The following SIRT3 variants were observed in gnomAD, a reference collection of about 807,000 sequenced individuals.
SIRT3 encodes sirtuin 3.
In SIRT3, 26 loss-of-function variants were observed where a neutral mutation model predicts 33.5. That is an observed-to-expected ratio of 0.78 (90% CI 0.57 to 1.08). The LOEUF (loss-of-function observed/expected upper bound fraction) is 1.08. SIRT3 is among the 50% of genes least tolerant of loss of function. The pLI is 0.00. For missense variants in SIRT3, 585 were observed against 530.1 expected (o/e 1.10, Z -1.02); for synonymous variants, 237 against 222.1 (o/e 1.07, Z -0.60).
At chr11:229,861 T>C (rs1857674540) in intron 4 of SIRT3, among the ~76,000 whole-genome samples, 1 of 152,166 alleles carries the variant, frequency 6.6e-6, no homozygotes, top group Non-Finnish European at 1.5e-5. Context: ...AACGAATACT[T>C]GCATATGCTC....
At chr11:225,168 C>T (rs979063006) in intron 4 of SIRT3, among the ~76,000 whole-genome samples, 3 of 151,660 alleles carry the variant, frequency 2.0e-5, no homozygotes, top group Non-Finnish European at 2.9e-5. Context: ...AATCCCAGGA[C>T]TTCGGGAGGC....
intron 4 of SIRT3, among the ~76,000 whole-genome samples, chr11:224,703 G>A (rs533673154): frequency 1.3e-5 from 2 of 152,290 alleles, no homozygotes; most frequent in African/African-American, 2.4e-5. Context: ...CCTCAGCCCT[G>A]GGAGGCATTC....
intron 1 of SIRT3, among the ~76,000 whole-genome samples, chr11:235,832 A>T (rs572659130): frequency 1.3e-5 from 2 of 152,332 alleles, no homozygotes; most frequent in Admixed American, 1.3e-4. Flanking sequence ...ATGCACAATA[A>T]CTAAAGGTTA....
At chr11:232,308 G>A (rs1183328795) in intron 3 of SIRT3, among the ~76,000 whole-genome samples, 2 of 151,846 alleles carry the variant, frequency 1.3e-5, no homozygotes, top group East Asian at 1.9e-4. Context: ...TAGTAGAGAC[G>A]GGGTTTTGCC....
At chr11:231,413 C>A (rs915502434) in intron 3 of SIRT3, among the ~76,000 whole-genome samples, 2 of 152,204 alleles carry the variant, frequency 1.3e-5, no homozygotes, top group Non-Finnish European at 2.9e-5. Flanking sequence ...CTAGCCTGGG[C>A]AACAGAGCCA....
chr11:218,383 A>C (rs1016346876), intron 6 of SIRT3, among the ~76,000 whole-genome samples: 3 of 152,216 alleles, frequency 2.0e-5, no homozygotes, highest in Admixed American at 2.0e-4. Flanking sequence ...AGCGGATTAT[A>C]ATTGATCAAT....
At chr11:227,998 G>A (rs989951641) in intron 4 of SIRT3, among the ~76,000 whole-genome samples, 5 of 152,064 alleles carry the variant, frequency 3.3e-5, no homozygotes, top group African/African-American at 7.2e-5. Context: ...TCCCATGATC[G>A]TCAGGATACA....
In SIRT3 at chr11:224,125, C is replaced by A; in HGVS notation, c.922G>T (p.Asp308Tyr). The change falls in exon 5 of 7, where the codon GAT (aspartate) becomes TAT (tyrosine). Residue 308 changes from aspartate (D) to tyrosine (Y), a missense_variant. Physicochemically the swap from Asp to Tyr is radical, Grantham distance 160 (BLOSUM62 -3). Coordinates refer to ENST00000382743, the MANE Select transcript of SIRT3 (RefSeq NM_012239.6). ...AGCAGCAGATCTGCCATGGGGAAAT[C>A]AACCACATGCAGCAAGAACCTCTGG... The part of the protein sequence containing the change: ...LPQRFLLHVV[D>Y]FPMADLLLIL... The A allele has an allele frequency of 6.2e-7, 1 of 1,614,228 alleles. No individual in the cohort carries two copies. The highest frequency in any genetic ancestry group is 8.5e-7 in the Non-Finnish European group (1 of 1,180,048).
chr11:221,278 T>C lies in SIRT3; in HGVS notation c.970-2237A>G, dbSNP rs140570103. Among the ~76,000 whole-genome samples, 690 of 152,294 alleles carry C rather than the reference T, an allele frequency of 4.5e-3. 5 individuals carry two copies. The highest frequency in any genetic ancestry group is 6.3e-3 in the Non-Finnish European group (430 of 68,014). ...CAACTACACAGACCATGCCTGGCTATCTTTTTATTTTTTGTAGAGACGAGG... is the reference window on the plus strand; with the variant it reads ...CAACTACACAGACCATGCCTGGCTACCTTTTTATTTTTTGTAGAGACGAGG... On this transcript the variant is annotated intron_variant, in intron 5 of 6. Coordinates refer to ENST00000382743, the MANE Select transcript of SIRT3 (RefSeq NM_012239.6).
intron 4 of SIRT3, among the ~76,000 whole-genome samples, chr11:229,801 G>C (rs1489120787): frequency 6.6e-6 from 1 of 152,068 alleles, no homozygotes; most frequent in Admixed American, 6.6e-5. Context: ...GAGTTACCCA[G>C]CAATACTTGT....
At position 223,676 on chromosome 11, in the gene SIRT3, A is replaced by C; in HGVS notation, c.969+402T>G. 1 of 559,432 alleles carries C rather than the reference A, an allele frequency of 1.8e-6. No individual in the cohort carries two copies. 34.7% of individuals were successfully genotyped at this position (559,432 alleles called of 1,614,324 possible). ...CCCCACCCACACCTATACCACCTCC[A>C]AAGCCCAGCAGCTTCCCACCTTCCT... On this transcript the variant is annotated intron_variant, in intron 5 of 6. Transcript: ENST00000382743. This position sits in a 1 kb window ranked among gnomAD's most constrained non-coding sequence, Gnocchi z 4.8.
rs796721319 is a variant in SIRT3, at chr11:218,627, C to T, written c.1179+205G>A. 8 of 945,794 alleles carry T rather than the reference C, an allele frequency of 8.5e-6. No homozygotes were observed. In the African/African-American group the frequency reaches 1.3e-4, roughly 16 times the overall value. 58.6% of individuals were successfully genotyped at this position (945,794 alleles called of 1,614,324 possible). On this transcript the variant is annotated intron_variant, in intron 6 of 6. Transcript: ENST00000382743. ...GTGTCTGGACCGTGTCCCTGCTTGG[C>T]CTGTTAGCATCTGTTTCCTCATCTC...
At chr11:226,294 G>A (rs936762638) in intron 4 of SIRT3, among the ~76,000 whole-genome samples, 10 of 152,166 alleles carry the variant, frequency 6.6e-5, no homozygotes, top group Admixed American at 4.6e-4. Context: ...ACAGTGAGGC[G>A]CGTCTGACCT....
intron 5 of SIRT3, among the ~76,000 whole-genome samples, chr11:221,794 T>C (rs1389100178): frequency 1.3e-5 from 2 of 151,512 alleles, no homozygotes; most frequent in Non-Finnish European, 1.5e-5. Context: ...CACATCTCCA[T>C]GGACTCACAT....
At chr11:226,148 A>C (rs1459023764) in intron 4 of SIRT3, 3 of 152,256 alleles carry the variant, frequency 2.0e-5, no homozygotes, top group Admixed American at 6.5e-5. Context: ...AGGAACCATT[A>C]ATCTCATCTT....
Position 236,056 on chromosome 11 carries a change from G to A in SIRT3, c.273C>T (p.Phe91=), listed in dbSNP as rs1217381953. Residue 91 remains phenylalanine (F), a synonymous_variant, in exon 1 of 7, where the codon TTC becomes TTT. Transcript: ENST00000382743. ...RQPRAAAPSF[F]FSSIKGGRRS... ...GTCCTTGCCCAAAATACCTCGAAAA[G>A]AAGAAACTGGGAGCTGCTGCCCTCG... The A allele has an allele frequency of 1.3e-6, 2 of 1,520,088 alleles. No individual in the cohort carries two copies. Among genetic ancestry groups the A allele is most frequent in the Admixed American group, 2.2e-5 (1 of 44,886 alleles). The allele number at this position is 1,520,088 out of a possible 1,614,324, so 94.2% of individuals were successfully genotyped here.
chr11:236,209 A>G lies in SIRT3; in HGVS notation c.120T>C (p.Leu40=). The G allele has an allele frequency of 3.2e-6, 5 of 1,560,060 alleles. No individual in the cohort carries two copies. Among genetic ancestry groups the G allele is most frequent in the Non-Finnish European group, 4.3e-6 (5 of 1,156,296 alleles). ...CCGCACTCACATCGTCCCTGCCGCC[A>G]AGCACCAGCCGACAGCCGCAGGCCT... ...PFQACGCRLV[L]GGRDDVSAGL... is the part of the protein sequence containing the mutation. The change falls in exon 1 of 7, where the codon CTT becomes CTC. Residue 40 remains leucine (L), a synonymous_variant. Coordinates refer to ENST00000382743, the MANE Select transcript of SIRT3 (RefSeq NM_012239.6).
intron 3 of SIRT3, among the ~76,000 whole-genome samples, chr11:231,870 G>GCCAGGAGACTGCT (rs148370769): frequency 0.79 from 118,973 of 150,670 alleles, 47,318 homozygotes; most frequent in African/African-American, 0.88. Context: ...CTCTCCGGGA[G>GCCAGGAGACTGCT]CCTGGCTCCC....
intron 4 of SIRT3, among the ~76,000 whole-genome samples, chr11:229,552 G>C (rs777517186): frequency 6.6e-6 from 1 of 151,006 alleles, no homozygotes; most frequent in African/African-American, 2.4e-5. Flanking sequence ...GGTCAGGAAT[G>C]CAAGAGCAGC....
Sources: allele counts gnomAD v4.1 joint callset (sites outside exome capture counted in the v4.1 genomes callset), GRCh38; gene constraint gnomAD v4.1.1; non-coding constraint Gnocchi (gnomAD v3.1); transcripts MANE v1.5; gene names NCBI Gene and HGNC (gene_info 2026-07-23, HGNC 2026-07-21).